Variants in GRM3 observed in about 807,000 individuals in gnomAD.
GRM3 encodes metabotropic glutamate receptor 3.
In GRM3, 26 loss-of-function variants were observed where a neutral mutation model predicts 70.5. That is an observed-to-expected ratio of 0.37 (90% CI 0.27 to 0.51). GRM3 has a LOEUF of 0.51. GRM3 is among the 20% of genes least tolerant of loss of function. The pLI is 0.93. For missense variants in GRM3, 859 were observed against 1,123.8 expected, an observed-to-expected ratio of 0.76 and a Z score of 3.37; for synonymous variants, 443 against 434.9, an observed-to-expected ratio of 1.02 and a Z score of -0.23.
intron 1 of GRM3, among the ~76,000 whole-genome samples, chr7:86,722,587 A>AGTGCAGGAAGG (rs1795495254): frequency 4.7e-5 from 6 of 126,954 alleles, no homozygotes; most frequent in South Asian, 3.0e-4. Flanking sequence ...GGGGGGCATC[A>AGTGCAGGAAGG]CACACTGGGG....
rs534632595 is a variant in GRM3, at chr7:86,772,023, C to T, written c.468+6410C>T. Among the ~76,000 whole-genome samples the T allele has an allele frequency of 6.8e-4, 103 of 152,204 alleles. 1 individual carries two copies. Among genetic ancestry groups the T allele is most frequent in the African/African-American group, 2.0e-3 (84 of 41,542 alleles). ...CCCTGTGAGAACCCTTTCCCAAGTA[C>T]TCACTTCATGTACATGCCCCTCCAT... On this transcript the variant is annotated intron_variant, in intron 2 of 5. Coordinates refer to ENST00000361669, the MANE Select transcript of GRM3 (RefSeq NM_000840.3).
In GRM3 at chr7:86,802,094, A is replaced by G. The variant is rs374286978; in HGVS notation, c.1324+14978A>G. On this transcript the variant is annotated intron_variant, in intron 3 of 5. Coordinates refer to ENST00000361669, the MANE Select transcript of GRM3 (RefSeq NM_000840.3). ...CACTGGCCTGACATAACCATTTTGT[A>G]TATTTTATTCATTAATTCTCACAAA... 1.3e-3 allele frequency among the ~76,000 whole-genome samples: 191 copies of G among 152,302 alleles called. 1 individual carries two copies. The highest frequency in any genetic ancestry group is 4.4e-3 in the African/African-American group (183 of 41,574).
intron 1 of GRM3, among the ~76,000 whole-genome samples, chr7:86,751,701 C>T (rs775382255): frequency 1.3e-5 from 2 of 152,050 alleles, no homozygotes; most frequent in Non-Finnish European, 2.9e-5. Context: ...GTCATTTACA[C>T]CCAGACTCAT....
chr7:86,751,774 G>A (rs1460463381), intron 1 of GRM3, among the ~76,000 whole-genome samples: 1 of 152,052 alleles, frequency 6.6e-6, no homozygotes, highest in African/African-American at 2.4e-5. Context: ...ATGAGAAGGA[G>A]GCCTCTGCAC....
chr7:86,727,616 T>C (rs1214098513), intron 1 of GRM3, among the ~76,000 whole-genome samples: 5 of 152,204 alleles, frequency 3.3e-5, no homozygotes, highest in Admixed American at 2.0e-4. Flanking sequence ...TGACAGATTA[T>C]AGCACTGACC....
chr7:86,678,325 G>A (rs904844102), intron 1 of GRM3, among the ~76,000 whole-genome samples: 1 of 151,966 alleles, frequency 6.6e-6, no homozygotes, highest in African/African-American at 2.4e-5. Context: ...AAGAACTCAG[G>A]ATTATGAATA....
At chr7:86,680,934 G>T (rs142304939) in intron 1 of GRM3, among the ~76,000 whole-genome samples, 6 of 152,208 alleles carry the variant, frequency 3.9e-5, no homozygotes, top group African/African-American at 1.4e-4. Flanking sequence ...GAGAAACTAA[G>T]TTCTTTCTCT....
intron 1 of GRM3, among the ~76,000 whole-genome samples, chr7:86,724,986 G>A (rs536719405): frequency 6.6e-6 from 1 of 152,062 alleles, no homozygotes; most frequent in South Asian, 2.1e-4. Flanking sequence ...TGATTTTGTG[G>A]AATTAAGGTG....
At chr7:86,831,143 A>G (rs2116714014) in intron 3 of GRM3, among the ~76,000 whole-genome samples, 1 of 152,326 alleles carries the variant, frequency 6.6e-6, no homozygotes, top group African/African-American at 2.4e-5. Flanking sequence ...TGGCAGCCCT[A>G]ATACACTAAT....
At chr7:86,776,230 A>G (rs1796887998) in intron 2 of GRM3, among the ~76,000 whole-genome samples, 1 of 152,182 alleles carries the variant, frequency 6.6e-6, no homozygotes, top group African/African-American at 2.4e-5. Flanking sequence ...ACCATGGATT[A>G]CTATCCTTTT....
chr7:86,685,612 A>G (rs1794544642), intron 1 of GRM3, among the ~76,000 whole-genome samples: 1 of 152,178 alleles, frequency 6.6e-6, no homozygotes, highest in Non-Finnish European at 1.5e-5. Context: ...TTATCTATAA[A>G]GGTATAAATG....
intron 1 of GRM3, among the ~76,000 whole-genome samples, chr7:86,681,502 CT>C (rs1794440025): frequency 1.3e-5 from 2 of 152,236 alleles, no homozygotes; most frequent in South Asian, 4.1e-4. Flanking sequence ...TGAATATGCT[CT>C]TTTTTCAATG....
intron 2 of GRM3, among the ~76,000 whole-genome samples, chr7:86,777,409 C>G (rs1796921072): frequency 1.3e-5 from 2 of 152,022 alleles, no homozygotes; most frequent in Non-Finnish European, 2.9e-5. Context: ...TTAGGGAGTC[C>G]TTTGTTTGGA....
chr7:86,740,020 C>A (rs1483093209), intron 1 of GRM3, among the ~76,000 whole-genome samples: 1 of 152,124 alleles, frequency 6.6e-6, no homozygotes. Flanking sequence ...CATTCAAAAA[C>A]ATTAGCTATT....
At chr7:86,694,452 C>A (rs1430928544) in intron 1 of GRM3, among the ~76,000 whole-genome samples, 1 of 132,818 alleles carries the variant, frequency 7.5e-6, no homozygotes, top group Non-Finnish European at 1.5e-5. Flanking sequence ...GTGGGGCTTG[C>A]AGTTAGCCGA....
intron 5 of GRM3, among the ~76,000 whole-genome samples, chr7:86,859,825 C>A (rs1026406267): frequency 1.3e-5 from 2 of 152,160 alleles, no homozygotes; most frequent in Non-Finnish European, 2.9e-5. Flanking sequence ...CAAAGTCTGG[C>A]TAGCCCATGC....
intron 3 of GRM3, among the ~76,000 whole-genome samples, chr7:86,837,382 A>G (rs1393798175): frequency 1.3e-5 from 2 of 152,164 alleles, no homozygotes; most frequent in Admixed American, 6.5e-5. Flanking sequence ...CCTGAGCCTC[A>G]GAGAAGGTGG....
At chr7:86,701,817 T>C (rs563412535) in intron 1 of GRM3, among the ~76,000 whole-genome samples, 1 of 152,116 alleles carries the variant, frequency 6.6e-6, no homozygotes, top group Non-Finnish European at 1.5e-5. Context: ...AATTTGCAAG[T>C]ATCATTCATT....
At chr7:86,787,349 G>A (rs565243783) in intron 3 of GRM3, among the ~76,000 whole-genome samples, 1 of 152,222 alleles carries the variant, frequency 6.6e-6, no homozygotes. Flanking sequence ...CCCAGGCAGG[G>A]CTGACAGCCC....
Sources: gnomAD v4.1 joint callset for allele counts (sites outside exome capture counted in the v4.1 genomes callset) on GRCh38, gnomAD v4.1.1 for gene constraint, MANE v1.5 for transcripts, NCBI Gene and HGNC (gene_info 2026-07-23, HGNC 2026-07-21) for gene names.